IL31RA: variants seen among roughly 807,000 people sequenced by gnomAD.
The protein encoded by IL31RA is interleukin-31 receptor subunit alpha.
IL31RA carries 66 observed loss-of-function variants against 83.7 expected under a neutral mutation model. The observed-to-expected ratio is 0.79, with a 90% CI of 0.65 to 0.97. The LOEUF (loss-of-function observed/expected upper bound fraction) is 0.97, where lower values mean the gene tolerates loss of function less well. IL31RA is among the 50% of genes least tolerant of loss of function. The pLI, the probability that IL31RA is intolerant of heterozygous loss-of-function variation, is 0.00. For missense variants in IL31RA, 798 were observed against 919.4 expected (o/e 0.87, Z 1.71); for synonymous variants, 325 against 329.0 (o/e 0.99, Z 0.13).
chr5:55,854,684 G>A (rs1384192715), intron 1 of IL31RA, among the ~76,000 whole-genome samples: 1 of 151,158 alleles, frequency 6.6e-6, no homozygotes, highest in African/African-American at 2.4e-5. Flanking sequence ...GGCAGAGGTT[G>A]CAGTGAACCG....
rs769881858 is a variant in IL31RA, at chr5:55,889,996, T to TAAGGATAAAAACCAAAC, written c.634_650dup (p.Tyr218ArgfsTer20). ...TGGAAGTCAACTTCGCTAAGAACCG[T>TAAGGATAAAAACCAAAC]AAGGATAAAAACCAAACGTACAACC... On this transcript the variant is annotated frameshift_variant, in exon 6 of 15. Coordinates refer to ENST00000652347, the MANE Select transcript of IL31RA (RefSeq NM_139017.7). LOFTEE classifies it high-confidence loss of function. The TAAGGATAAAAACCAAAC allele has an allele frequency of 1.7e-5, 27 of 1,614,156 alleles. No homozygotes were observed. Among genetic ancestry groups the TAAGGATAAAAACCAAAC allele is most frequent in the Non-Finnish European group, 2.2e-5 (26 of 1,180,008 alleles).
intron 4 of IL31RA, among the ~76,000 whole-genome samples, chr5:55,873,899 A>T (rs1746681541): frequency 6.6e-6 from 1 of 152,108 alleles, no homozygotes; most frequent in Non-Finnish European, 1.5e-5. Context: ...TGAAGTCAAA[A>T]ATGTATATAT....
chr5:55,909,627 G>A (rs969948816), intron 11 of IL31RA, among the ~76,000 whole-genome samples: 1 of 151,752 alleles, frequency 6.6e-6, no homozygotes. Flanking sequence ...GGTATGTAGT[G>A]GTTATCTCAT....
intron 5 of IL31RA, among the ~76,000 whole-genome samples, chr5:55,885,983 G>A (rs1747572123): frequency 6.6e-6 from 1 of 152,112 alleles, no homozygotes; most frequent in South Asian, 2.1e-4. Context: ...GCTGCTGGGG[G>A]ATAGGATTCA....
Position 55,903,572 on chromosome 5 carries a change from G to A in IL31RA, c.1070-2534G>A, listed in dbSNP as rs1042008368. ...TGACTCATGGTTTCCTGGGGCCGGCGCCACGCCCCTGTGGTCTCCGCAGTC... is the reference window on the plus strand; with the variant it reads ...TGACTCATGGTTTCCTGGGGCCGGCACCACGCCCCTGTGGTCTCCGCAGTC... On this transcript the variant is annotated intron_variant, in intron 8 of 14. Coordinates refer to ENST00000652347, the MANE Select transcript of IL31RA (RefSeq NM_139017.7). The surrounding 1 kb of genome is among the most constrained non-coding windows in gnomAD (Gnocchi z 4.7). 2.0e-5 allele frequency among the ~76,000 whole-genome samples: 3 copies of A among 152,170 alleles called. No homozygotes were observed. Among genetic ancestry groups the A allele is most frequent in the Admixed American group, 6.5e-5 (1 of 15,278 alleles).
At chr5:55,853,692 G>T in intron 1 of IL31RA, 1 of 922,570 alleles carries the variant, frequency 1.1e-6, no homozygotes, top group South Asian at 1.8e-5. Context: ...TCCTTGAACT[G>T]GTTGTTGATA....
intron 6 of IL31RA, 62 bp from the exon 7 acceptor site, chr5:55,896,288 T>C (rs917837032): frequency 8.6e-7 from 1 of 1,164,532 alleles, no homozygotes; most frequent in African/African-American, 1.5e-5. Flanking sequence ...CAGCTAACCT[T>C]TCCTGTCTCC....
chr5:55,844,869 T>C, the IL31RA span, among the ~76,000 whole-genome samples: 1 of 152,314 alleles, frequency 6.6e-6, no homozygotes, highest in African/African-American at 2.4e-5. Context: ...GCTCAGAAAT[T>C]ATTTCTTCAG....
At chr5:55,882,384 CTTTA>C (rs1454914905) in intron 4 of IL31RA, among the ~76,000 whole-genome samples, 3 of 152,022 alleles carry the variant, frequency 2.0e-5, no homozygotes, top group African/African-American at 4.8e-5. Flanking sequence ...AAAACAAAAG[CTTTA>C]TTTAGCGTAA....
Position 55,919,746 on chromosome 5 carries a change from C to T in IL31RA, c.*2626C>T, listed in dbSNP as rs1749994603. ...GAGTCCCCAAAAGGCACTGGTGGGC[C>T]ACACCTTAGCTCTCCTGAGCAGGTT... On this transcript the variant is annotated 3_prime_UTR_variant, in exon 15 of 15. Coordinates refer to ENST00000652347, the MANE Select transcript of IL31RA (RefSeq NM_139017.7). Among the ~76,000 whole-genome samples, 1 of 152,130 alleles carries T rather than the reference C, an allele frequency of 6.6e-6. No homozygotes were observed. Among genetic ancestry groups the T allele is most frequent in the Non-Finnish European group, 1.5e-5 (1 of 68,026 alleles).
Position 55,913,552 on chromosome 5 carries a change from A to G in IL31RA, c.1718A>G (p.Tyr573Cys). Residue 573 changes from tyrosine (Y) to cysteine (C), a missense_variant, in exon 13 of 15, where the codon TAT becomes TGT. By Grantham distance (194) the Tyr-to-Cys change is radical (BLOSUM62 -2). Coordinates refer to ENST00000652347, the MANE Select transcript of IL31RA (RefSeq NM_139017.7). ...ATTCTCATTATCCTGACAGTGGCATATGGTCTCAAAAAACCCAAGTGAGTC... is the reference window on the plus strand; with the variant it reads ...ATTCTCATTATCCTGACAGTGGCATGTGGTCTCAAAAAACCCAAGTGAGTC... ...LLILIILTVAYGLKKPNKLTH... is the reference protein window; with the variant it reads ...LLILIILTVACGLKKPNKLTH... The G allele has an allele frequency of 2.5e-6, 4 of 1,612,398 alleles. No individual in the cohort carries two copies. Among genetic ancestry groups the G allele is most frequent in the Non-Finnish European group, 3.4e-6 (4 of 1,178,428 alleles).
At chr5:55,901,895 G>A (rs558023461) in intron 8 of IL31RA, among the ~76,000 whole-genome samples, 15 of 152,246 alleles carry the variant, frequency 9.9e-5, no homozygotes, top group African/African-American at 3.4e-4. Flanking sequence ...GATTACAGGC[G>A]TGAGCCACTG....
At chr5:55,913,053 C>T (rs1749587991) in intron 12 of IL31RA, among the ~76,000 whole-genome samples, 1 of 152,088 alleles carries the variant, frequency 6.6e-6, no homozygotes, top group East Asian at 1.9e-4. Context: ...CAGGAAGACA[C>T]CTAGATGGGG....
In IL31RA at chr5:55,918,799, C is replaced by A. The variant is rs1749941143; in HGVS notation, c.*1679C>A. 6.6e-6 allele frequency among the ~76,000 whole-genome samples: 1 copy of A among 152,136 alleles called. No individual in the cohort carries two copies. Among genetic ancestry groups the A allele is most frequent in the South Asian group, 2.1e-4 (1 of 4,826 alleles). ...AACATCTCCAGCGGCTGCAGCCACC[C>A]CCCCACCACCCACCCAGGACTCAGT... On this transcript the variant is annotated 3_prime_UTR_variant, in exon 15 of 15. Transcript: ENST00000652347.
At chr5:55,868,084 T>G (rs1746298602) in intron 2 of IL31RA, among the ~76,000 whole-genome samples, 1 of 152,214 alleles carries the variant, frequency 6.6e-6, no homozygotes, top group Admixed American at 6.5e-5. Flanking sequence ...GCTATTACTG[T>G]AGTTTGTTGA....
At chr5:55,893,264 G>A (rs1748127223) in intron 6 of IL31RA, among the ~76,000 whole-genome samples, 1 of 152,194 alleles carries the variant, frequency 6.6e-6, no homozygotes, top group Admixed American at 6.5e-5. Flanking sequence ...CTTCAGAAAT[G>A]ATGATTAGTA....
rs140273547 is a variant in IL31RA at position 55,918,759 on chromosome 5, A to T, written c.*1639A>T. On this transcript the variant is annotated 3_prime_UTR_variant, in exon 15 of 15. Coordinates refer to ENST00000652347, the MANE Select transcript of IL31RA (RefSeq NM_139017.7). ...ACAGGAAGGTGTGGCTGCTCTCTCA[A>T]AGCTCTGTCCTCCTAACATCTCCAG... 3.5e-3 allele frequency among the ~76,000 whole-genome samples: 534 copies of T among 151,926 alleles called. 1 individual carries two copies. Among genetic ancestry groups the T allele is most frequent in the Non-Finnish European group, 6.2e-3 (418 of 67,946 alleles).
At chr5:55,849,446 T>C (rs148009543), upstream of IL31RA, among the ~76,000 whole-genome samples, 1,038 of 152,334 alleles carry the variant, frequency 6.8e-3, 11 homozygotes, top group Middle Eastern at 0.01. Context: ...AATGTTTTCA[T>C]TGTTGTGACT....
intron 1 of IL31RA, among the ~76,000 whole-genome samples, chr5:55,855,313 T>TAA (rs1554083864): frequency 1.2e-4 from 11 of 95,028 alleles, no homozygotes; most frequent in South Asian, 8.0e-4. Flanking sequence ...TCAGATAATT[T>TAA]AAAATATATA....
Sources: gnomAD v4.1 joint callset for allele counts (sites outside exome capture counted in the v4.1 genomes callset) on GRCh38, gnomAD v4.1.1 for gene constraint, Gnocchi (gnomAD v3.1) non-coding constraint, MANE v1.5 for transcripts, NCBI Gene and HGNC (gene_info 2026-07-23, HGNC 2026-07-21) for gene names.